Variants in PLB1 observed in about 807,000 individuals in gnomAD.
The protein encoded by PLB1 is phospholipase B1.
In PLB1, 242 loss-of-function variants were observed where a neutral mutation model predicts 227.4. The ratio of observed to expected loss-of-function variants is 1.06; its 90% CI spans 0.96 to 1.18. The LOEUF (loss-of-function observed/expected upper bound fraction) is 1.18. Among genes scored for constraint, PLB1 ranks in the 50% most tolerant of loss-of-function variants. The pLI, the probability that PLB1 is intolerant of heterozygous loss-of-function variation, is 0.00. For synonymous variants in PLB1, 757 were observed against 682.2 expected (o/e 1.11, Z -1.71); for missense variants, 1,858 against 1,816.3 (o/e 1.02, Z -0.42).
At chr2:28,498,218 ATGT>A (rs760648077) in intron 1 of PLB1, among the ~76,000 whole-genome samples, 8 of 151,386 alleles carry the variant, frequency 5.3e-5, no homozygotes, top group Admixed American at 1.3e-4. Context: ...GAGGAACCCA[ATGT>A]TGTTATTATT....
chr2:28,613,194 G>C (rs932948990), intron 43 of PLB1, among the ~76,000 whole-genome samples: 7 of 152,148 alleles, frequency 4.6e-5, no homozygotes, highest in African/African-American at 1.7e-4. Context: ...CAAAACGCTG[G>C]GAATACAGGC....
At chr2:28,548,423 G>A (rs1004955801) in intron 14 of PLB1, 22 of 348,462 alleles carry the variant, frequency 6.3e-5, no homozygotes, top group East Asian at 3.9e-4. Context: ...CTGGATAACC[G>A]GCCCCCACGT....
In PLB1 at chr2:28,549,557, A is replaced by G. The variant is rs531891635; in HGVS notation, c.1009-453A>G. 4.6e-5 allele frequency among the ~76,000 whole-genome samples: 7 copies of G among 151,734 alleles called. No homozygotes were observed. The South Asian group carries it at 1.5e-3, about 32-fold the overall frequency. ...CAGCCTCCCAAGTGGCTGGGACTACAGGCACGTGCCACCACACCCAGCTAA... is the reference window on the plus strand; with the variant it reads ...CAGCCTCCCAAGTGGCTGGGACTACGGGCACGTGCCACCACACCCAGCTAA... On this transcript the variant is annotated intron_variant, in intron 15 of 57. Coordinates refer to ENST00000327757, the MANE Select transcript of PLB1 (RefSeq NM_153021.5).
At chr2:28,552,814 A>G (rs906542515) in intron 16 of PLB1, 114 bp from the exon 17 acceptor site, 1 of 833,126 alleles carries the variant, frequency 1.2e-6, no homozygotes, top group Admixed American at 2.0e-5. Context: ...CTTAAATGAC[A>G]TCAAAGTTTT....
intron 32 of PLB1, among the ~76,000 whole-genome samples, chr2:28,593,062 A>G (rs1682261597): frequency 6.6e-6 from 1 of 152,138 alleles, no homozygotes; most frequent in Non-Finnish European, 1.5e-5. Flanking sequence ...ATGCTTTATA[A>G]TCAGCTGAGA....
intron 29 of PLB1, among the ~76,000 whole-genome samples, chr2:28,590,803 C>G (rs117673201): frequency 6.6e-6 from 1 of 152,174 alleles, no homozygotes; most frequent in East Asian, 1.9e-4. Flanking sequence ...GAGACAAGGG[C>G]TTTTTCCAGC....
chr2:28,548,398 G>C (rs1673630341), intron 14 of PLB1: 1 of 316,788 alleles, frequency 3.2e-6, no homozygotes, highest in Admixed American at 3.7e-5. Context: ...AGCAAGGAGG[G>C]GACAAGAAGC....
intron 33 of PLB1, 30 bp downstream of exon 33, chr2:28,593,784 T>C: frequency 6.3e-7 from 1 of 1,584,706 alleles, no homozygotes; most frequent in Non-Finnish European, 8.7e-7. Context: ...TCTCCCAGCG[T>C]TCCCCCCACA....
chr2:28,549,667 A>G (rs1279290492), intron 15 of PLB1, among the ~76,000 whole-genome samples: 1 of 152,144 alleles, frequency 6.6e-6, no homozygotes, highest in African/African-American at 2.4e-5. Flanking sequence ...TTTTGTTACT[A>G]TGCAATAATA....
chr2:28,601,761 C>T lies in PLB1; in HGVS notation c.2608-138C>T, dbSNP rs917734999. On this transcript the variant is annotated intron_variant, in intron 37 of 57. Coordinates refer to ENST00000327757, the MANE Select transcript of PLB1 (RefSeq NM_153021.5). ...GTCAACTGTTCATCTCAGATTTTGA[C>T]ATGGTGAGCTGGCCACAGCTGGAGG... The T allele has an allele frequency of 5.4e-6, 4 of 741,240 alleles. No homozygotes were observed. The African/African-American group carries it at 7.0e-5, about 13-fold the overall frequency. The allele number at this position is 741,240 out of a possible 1,614,324, so 45.9% of individuals were successfully genotyped here. A position where few individuals can be genotyped will look rare whatever the true frequency, so the allele number is the denominator to read the frequency against.
chr2:28,567,719 G>T (rs188759757), intron 20 of PLB1, among the ~76,000 whole-genome samples: 2 of 151,994 alleles, frequency 1.3e-5, no homozygotes, highest in Admixed American at 6.6e-5. Context: ...TGATCTGCCC[G>T]CCTTGGCCTC....
At chr2:28,604,858 A>G in intron 41 of PLB1, 99 bp downstream of exon 41, 2 of 1,099,452 alleles carry the variant, frequency 1.8e-6, no homozygotes, top group Non-Finnish European at 2.7e-6. Flanking sequence ...AATGGGAAAG[A>G]CACAGCTCTC....
At chr2:28,519,662 G>T in intron 3 of PLB1, 43 bp from the exon 4 acceptor site, 2 of 1,447,372 alleles carry the variant, frequency 1.4e-6, no homozygotes, top group African/African-American at 1.4e-5. Context: ...ACATCATGGG[G>T]AATGTAGATC....
At chr2:28,499,178 T>C (rs1212146099) in intron 1 of PLB1, among the ~76,000 whole-genome samples, 2 of 152,136 alleles carry the variant, frequency 1.3e-5, no homozygotes, top group Non-Finnish European at 2.9e-5. Flanking sequence ...AACTTAAAAA[T>C]TTTAATAATT....
At chr2:28,609,596 G>A (rs973859836) in intron 43 of PLB1, among the ~76,000 whole-genome samples, 1 of 151,968 alleles carries the variant, frequency 6.6e-6, no homozygotes, top group Admixed American at 6.6e-5. Context: ...TCTTTTTGAC[G>A]CTCAGAGCTT....
chr2:28,579,779 C>A, intron 23 of PLB1, 72 bp downstream of exon 23: 1 of 1,312,808 alleles, frequency 7.6e-7, no homozygotes, highest in Non-Finnish European at 1.1e-6. Flanking sequence ...ACTTGCTCTG[C>A]CCGGGAGGAG....
chr2:28,634,959 T>G (rs989518220), intron 56 of PLB1, among the ~76,000 whole-genome samples: 1 of 152,146 alleles, frequency 6.6e-6, no homozygotes, highest in African/African-American at 2.4e-5. Flanking sequence ...CCTTCTCTTC[T>G]AAAGCAGTTC....
intron 1 of PLB1, among the ~76,000 whole-genome samples, chr2:28,500,669 T>C (rs1392924359): frequency 6.6e-6 from 1 of 151,842 alleles, no homozygotes; most frequent in Non-Finnish European, 1.5e-5. Context: ...AATTCATCTA[T>C]GGGGGGCTAA....
chr2:28,628,602 C>A lies in PLB1; in HGVS notation c.3700C>A (p.Gln1234Lys), dbSNP rs775496270. The A allele has an allele frequency of 1.9e-6, 3 of 1,614,174 alleles. No individual in the cohort carries two copies. The highest frequency in any genetic ancestry group is 2.5e-6 in the Non-Finnish European group (3 of 1,180,018). The change falls in exon 52 of 58, where the codon CAG becomes AAG. Residue 1234 changes from glutamine (Q) to lysine (K), a missense_variant. Gln to Lys is a moderately conservative substitution (Grantham distance 53, BLOSUM62 1). Transcript: ENST00000327757. ...CACGGAATATGTTCAGCACATCCAA[C>A]AGGCCCTGGACATCCTCTCTGAGGA... ...LATEYVQHIQ[Q>K]ALDILSEELP... is the part of the protein sequence containing the mutation.
Sources: gnomAD v4.1 joint callset for allele counts (sites outside exome capture counted in the v4.1 genomes callset) on GRCh38, gnomAD v4.1.1 for gene constraint, MANE v1.5 for transcripts, NCBI Gene and HGNC (gene_info 2026-07-23, HGNC 2026-07-21) for gene names.